HSD17B12: variants seen among roughly 807,000 people sequenced by gnomAD.
HSD17B12 encodes the protein very-long-chain 3-oxoacyl-CoA reductase.
In HSD17B12, 32 loss-of-function variants were observed where a neutral mutation model predicts 39.3. That is an observed-to-expected ratio of 0.81 (90% CI 0.61 to 1.09). The LOEUF (loss-of-function observed/expected upper bound fraction) is 1.09. Among genes scored for constraint, HSD17B12 ranks in the 50% least tolerant of loss-of-function variants. HSD17B12 has a pLI of 0.00. For synonymous variants in HSD17B12, 150 were observed against 146.7 expected (o/e 1.02, Z -0.16); for missense variants, 342 against 382.9 (o/e 0.89, Z 0.89).
chr11:43,572,653 G>T, the HSD17B12 span, among the ~76,000 whole-genome samples: 2 of 152,178 alleles, frequency 1.3e-5, no homozygotes, highest in African/African-American at 4.8e-5. Context: ...TGCTCAACAA[G>T]CCTAAGGGGT....
chr11:43,726,162 G>A (rs953844910), intron 1 of HSD17B12, among the ~76,000 whole-genome samples: 1 of 152,078 alleles, frequency 6.6e-6, no homozygotes, highest in Non-Finnish European at 1.5e-5. Context: ...TAAGGATTTG[G>A]TATTCATATC....
chr11:43,750,839 G>T (rs1014216254), intron 1 of HSD17B12, 72 bp from the exon 2 acceptor site: 1 of 976,092 alleles, frequency 1.0e-6, no homozygotes, highest in Non-Finnish European at 1.6e-6. Flanking sequence ...GTATGTAATT[G>T]GTGGGTCCTA....
chr11:43,826,081 C>CTTTTT (rs71481435), intron 6 of HSD17B12, among the ~76,000 whole-genome samples: 2 of 75,276 alleles, frequency 2.7e-5, no homozygotes, highest in Admixed American at 1.1e-4. Context: ...CTTTTTTTTT[C>CTTTTT]TTTTTTTTTT....
At chr11:43,839,368 C>A (rs1465202276) in intron 8 of HSD17B12, among the ~76,000 whole-genome samples, 1 of 152,142 alleles carries the variant, frequency 6.6e-6, no homozygotes, top group Non-Finnish European at 1.5e-5. Flanking sequence ...ATCTGTTCTA[C>A]TCCATGGCTA....
At chr11:43,788,445 C>A (rs539969201) in intron 3 of HSD17B12, among the ~76,000 whole-genome samples, 1 of 151,946 alleles carries the variant, frequency 6.6e-6, no homozygotes, top group Non-Finnish European at 1.5e-5. Context: ...CATTTTATAA[C>A]CCTTGTGTTC....
chr11:43,568,017 G>A, the HSD17B12 span, among the ~76,000 whole-genome samples: 1 of 152,144 alleles, frequency 6.6e-6, no homozygotes, highest in Non-Finnish European at 1.5e-5. Flanking sequence ...CTAATATAAA[G>A]AGGCTCTGAG....
chr11:43,619,591 C>T, the HSD17B12 span, among the ~76,000 whole-genome samples: 1 of 151,836 alleles, frequency 6.6e-6, no homozygotes, highest in South Asian at 2.1e-4. Context: ...GGGGTTTCAC[C>T]ATGTTGGCCA....
rs76967008 is a variant in HSD17B12, at chr11:43,823,824, C to G, written c.502-7152C>G. On this transcript the variant is annotated intron_variant, in intron 6 of 10. Transcript: ENST00000278353. ...GTTCAAGTTCTTTGGGAATAAGGGT[C>G]ACACTGATTGTGTGTGGCCCTAGAA... 3.9e-5 allele frequency among the ~76,000 whole-genome samples: 6 copies of G among 152,148 alleles called. No individual in the cohort carries two copies. In the East Asian group the frequency reaches 9.7e-4, roughly 24 times the overall value.
At chr11:43,579,184 C>G in the HSD17B12 span, 1 of 152,182 alleles carries the variant, frequency 6.6e-6, no homozygotes, top group Non-Finnish European at 1.5e-5. Context: ...GTCTCGCTGT[C>G]CCCTCTCTGC....
chr11:43,724,493 A>T (rs879462006), intron 1 of HSD17B12, among the ~76,000 whole-genome samples: 3 of 152,182 alleles, frequency 2.0e-5, no homozygotes, highest in Non-Finnish European at 4.4e-5. Context: ...GTGGCTTACG[A>T]ACAACAGAAA....
intron 1 of HSD17B12, among the ~76,000 whole-genome samples, chr11:43,736,179 G>T (rs755486348): frequency 2.0e-5 from 3 of 152,194 alleles, no homozygotes; most frequent in Non-Finnish European, 4.4e-5. Flanking sequence ...AAAAAATCAG[G>T]CAGAAGGCAT....
At chr11:43,565,798 C>T in the HSD17B12 span, among the ~76,000 whole-genome samples, 31 of 152,298 alleles carry the variant, frequency 2.0e-4, no homozygotes, top group African/African-American at 7.2e-4. Flanking sequence ...AGGTAAAATG[C>T]TTCATCCTAG....
At chr11:43,785,655 C>G (rs1950809263) in intron 3 of HSD17B12, among the ~76,000 whole-genome samples, 1 of 152,178 alleles carries the variant, frequency 6.6e-6, no homozygotes, top group African/African-American at 2.4e-5. Context: ...TTAATAGCTT[C>G]TTTGGATGAT....
At chr11:43,765,033 T>G (rs2134973061) in intron 3 of HSD17B12, among the ~76,000 whole-genome samples, 1 of 152,238 alleles carries the variant, frequency 6.6e-6, no homozygotes, top group East Asian at 1.9e-4. Context: ...ATTCTAATTT[T>G]ATTTCTATCC....
chr11:43,749,846 T>A (rs1477390222), intron 1 of HSD17B12, among the ~76,000 whole-genome samples: 1 of 152,092 alleles, frequency 6.6e-6, no homozygotes, highest in Non-Finnish European at 1.5e-5. Context: ...AGTCTGTAAA[T>A]GTTTTGGAAA....
At chr11:43,794,199 T>C (rs1950895412) in intron 3 of HSD17B12, among the ~76,000 whole-genome samples, 1 of 152,214 alleles carries the variant, frequency 6.6e-6, no homozygotes, top group African/African-American at 2.4e-5. Context: ...TGCTAGCTCA[T>C]ACAATTTCAG....
intron 4 of HSD17B12, among the ~76,000 whole-genome samples, chr11:43,810,162 C>T (rs1951056415): frequency 6.6e-6 from 1 of 152,046 alleles, no homozygotes. Context: ...TTGTTGTTTG[C>T]TCCTCTCTCA....
chr11:43,701,732 C>T (rs1421695453), intron 1 of HSD17B12, among the ~76,000 whole-genome samples: 2 of 152,090 alleles, frequency 1.3e-5, no homozygotes, highest in East Asian at 3.8e-4. Flanking sequence ...GTTATTATAC[C>T]TCTGTAGTAT....
At chr11:43,845,128 G>A (rs568566554) in intron 9 of HSD17B12, among the ~76,000 whole-genome samples, 1 of 152,278 alleles carries the variant, frequency 6.6e-6, no homozygotes, top group South Asian at 2.1e-4. Flanking sequence ...TGTGTGGCTA[G>A]GACCGCAGGC....
Sources: gnomAD v4.1 joint callset for allele counts (sites outside exome capture counted in the v4.1 genomes callset) on GRCh38, gnomAD v4.1.1 for gene constraint, MANE v1.5 for transcripts, NCBI Gene and HGNC (gene_info 2026-07-23, HGNC 2026-07-21) for gene names.